The following F5 variants were observed in gnomAD, a reference collection of about 807,000 sequenced individuals.
F5 encodes the protein coagulation factor V.
In F5, 138 loss-of-function variants were observed where a neutral mutation model predicts 216.4. The observed-to-expected ratio is 0.64, with a 90% confidence interval of 0.56 to 0.73. F5 has a LOEUF of 0.73. Among genes scored for constraint, F5 ranks in the 30% least tolerant of loss-of-function variants. The probability of loss-of-function intolerance (pLI) is 0.00; values close to 1 mark genes in which losing one functional copy is unlikely to be tolerated. For missense variants in F5, 2,403 were observed against 2,674.0 expected (o/e 0.90, Z 2.24); for synonymous variants, 916 against 930.7 (o/e 0.98, Z 0.29).
chr1:169,570,370 C>T (rs536651547), intron 3 of F5, among the ~76,000 whole-genome samples: 1 of 152,220 alleles, frequency 6.6e-6, no homozygotes, highest in South Asian at 2.1e-4. Context: ...TGAGGTTTCT[C>T]CCCCTTCTTC....
At chr1:169,553,429 C>G (rs1207469644) in intron 7 of F5, among the ~76,000 whole-genome samples, 1 of 152,218 alleles carries the variant, frequency 6.6e-6, no homozygotes, top group African/African-American at 2.4e-5. Flanking sequence ...CACAATGAGG[C>G]CGGGCGCGGT....
At chr1:169,531,987 AAATT>A (rs1659604293) in intron 14 of F5, among the ~76,000 whole-genome samples, 1 of 152,230 alleles carries the variant, frequency 6.6e-6, no homozygotes, top group Non-Finnish European at 1.5e-5. Flanking sequence ...AGCAAATTAA[AAATT>A]AATTCATCAC....
At chr1:169,555,944 A>G (rs1399500199) in intron 6 of F5, among the ~76,000 whole-genome samples, 1 of 152,168 alleles carries the variant, frequency 6.6e-6, no homozygotes, top group South Asian at 2.1e-4. Context: ...CTTATACATT[A>G]TTTTGGTAAC....
At chr1:169,552,468 C>A in intron 8 of F5, 89 bp downstream of exon 8, 1 of 1,124,876 alleles carries the variant, frequency 8.9e-7, no homozygotes, top group Non-Finnish European at 1.3e-6. Flanking sequence ...ATATGAGCAT[C>A]TTTTTCTTTT....
intron 14 of F5, among the ~76,000 whole-genome samples, chr1:169,534,698 A>T (rs1445538750): frequency 6.6e-6 from 1 of 152,042 alleles, no homozygotes. Context: ...AAGACAGAAA[A>T]TACATTGTTC....
rs746444205 is a variant in F5, at chr1:169,546,555, A to G, written c.1649T>C (p.Val550Ala). The change falls in exon 11 of 25, where the codon GTG (valine) becomes GCG (alanine). Residue 550 changes from valine (V) to alanine (A), a missense_variant. Val to Ala is a moderately conservative substitution (Grantham distance 64). This residue lies in a region of F5 where 1,425 missense variants were observed against 1,554.8 expected (regional missense o/e 0.92). Coordinates refer to ENST00000367797, the MANE Select transcript of F5 (RefSeq NM_000130.5). ...ADIEQQAVFA[V>A]FDENKSWYLE... The stretch of plus-strand genomic sequence containing the variant: ...GTACCAGCTTTTGTTCTCATCAAAC[A>G]CAGCAAACACAGCCTGCTGTTCGAT... The G allele has an allele frequency of 5.0e-6, 8 of 1,614,058 alleles. No homozygotes were observed. The highest frequency in any genetic ancestry group is 6.8e-6 in the Non-Finnish European group (8 of 1,180,016).
chr1:169,544,111 A>C (rs1470316864), intron 12 of F5, among the ~76,000 whole-genome samples, 185 bp downstream of exon 12: 1 of 152,230 alleles, frequency 6.6e-6, no homozygotes, highest in Non-Finnish European at 1.5e-5. Context: ...CCCACACTAA[A>C]GAACTGGATC....
chr1:169,569,985 A>T (rs559683152), intron 3 of F5, among the ~76,000 whole-genome samples: 2 of 152,248 alleles, frequency 1.3e-5, no homozygotes, highest in East Asian at 3.9e-4. Flanking sequence ...TGCAGAGGGC[A>T]TAATAAAATC....
Position 169,512,387 on chromosome 1 carries a change from C to T in F5, c.*1926G>A, listed in dbSNP as rs1484772166. On this transcript the variant is annotated 3_prime_UTR_variant, in exon 25 of 25. Coordinates refer to ENST00000367797, the MANE Select transcript of F5 (RefSeq NM_000130.5). Reference sequence around the variant, plus strand: ...AATTCTAGATCAAGAGAGATCCTGCCCAATTTCAGAGTAGAGAAGCCCAGG... The same window carrying T: ...AATTCTAGATCAAGAGAGATCCTGCTCAATTTCAGAGTAGAGAAGCCCAGG... Among the ~76,000 whole-genome samples the T allele has an allele frequency of 6.6e-6, 1 of 151,970 alleles. No homozygotes were observed. The highest frequency in any genetic ancestry group is 2.4e-5 in the African/African-American group (1 of 41,392).
At position 169,541,784 on chromosome 1, in the gene F5, C is replaced by A; in HGVS notation, c.3306G>T (p.Gln1102His). The A allele has an allele frequency of 6.2e-7, 1 of 1,614,002 alleles. No homozygotes were observed. The highest frequency in any genetic ancestry group is 8.5e-7 in the Non-Finnish European group (1 of 1,179,976). The change falls in exon 13 of 25, where the codon CAG (glutamine) becomes CAT (histidine). Residue 1102 changes from glutamine to histidine, a missense_variant. Gln to His is a conservative substitution (Grantham distance 24). Around this residue, in one of 4 missense-constraint regions of F5, gnomAD observed 1,425 missense variants for 1,554.8 expected, o/e 0.92. Transcript: ENST00000367797. ...CCTGACCAGTGTCATTTGAGGAATT[C>A]TGATTATGGTCAGGAAGTGAGGCTA... is the stretch of plus-strand genomic sequence containing the variant. ...GWIASLPDHN[Q>H]NSSNDTGQAS...
At chr1:169,518,885 C>A (rs538561236) in intron 22 of F5, among the ~76,000 whole-genome samples, 1 of 152,296 alleles carries the variant, frequency 6.6e-6, no homozygotes, top group Non-Finnish European at 1.5e-5. Context: ...AAACTCACTT[C>A]CTCCTTCTGA....
intron 23 of F5, among the ~76,000 whole-genome samples, chr1:169,516,254 G>A (rs1659152369): frequency 6.6e-6 from 1 of 152,162 alleles, no homozygotes; most frequent in African/African-American, 2.4e-5. Context: ...ACACAGTACA[G>A]TTATTGTCCT....
chr1:169,567,289 C>T (rs1246013776), intron 3 of F5, among the ~76,000 whole-genome samples: 3 of 151,786 alleles, frequency 2.0e-5, no homozygotes, highest in African/African-American at 2.4e-5. Context: ...TGCTAGATGA[C>T]GAGTTAGTGG....
intron 24 of F5, among the ~76,000 whole-genome samples, chr1:169,514,681 A>T (rs1251674455): frequency 2.0e-5 from 3 of 151,936 alleles, no homozygotes; most frequent in Non-Finnish European, 4.4e-5. Context: ...AACCCAGAAA[A>T]TTTTTTATCC....
chr1:169,549,376 A>G (rs920318995), intron 10 of F5, among the ~76,000 whole-genome samples: 2 of 152,172 alleles, frequency 1.3e-5, no homozygotes, highest in African/African-American at 4.8e-5. Context: ...TCCCTATTGC[A>G]GGTCTCTAAA....
intron 7 of F5, among the ~76,000 whole-genome samples, chr1:169,554,324 C>G (rs1313416432): frequency 6.6e-6 from 1 of 152,196 alleles, no homozygotes; most frequent in Non-Finnish European, 1.5e-5. Flanking sequence ...TACATCCCAG[C>G]TTTTTAATTT....
At position 169,540,915 on chromosome 1, in the gene F5, G is replaced by A. The variant is rs1557914628; in HGVS notation, c.4175C>T (p.Pro1392Leu). The A allele has an allele frequency of 2.5e-6, 4 of 1,611,794 alleles. No individual in the cohort carries two copies. The highest frequency in any genetic ancestry group is 2.2e-5 in the East Asian group (1 of 44,568). The change falls in exon 13 of 25, where the codon CCC (proline) becomes CTC (leucine). Residue 1392 changes from proline (P) to leucine (L), a missense_variant. By Grantham distance (98) the Pro-to-Leu change is moderately conservative. Coordinates refer to ENST00000367797, the MANE Select transcript of F5 (RefSeq NM_000130.5). ...AATTTGACTGAGATCTGCAAAGAGG[G>A]GCATCTCACTGAGGTCTGGGGAAAG... ...TNLSPDLSEMPLFADLSQIPL... is the reference protein window; with the variant it reads ...TNLSPDLSEMLLFADLSQIPL...
intron 4 of F5, 26 bp downstream of exon 4, chr1:169,560,528 G>T: frequency 1.2e-6 from 2 of 1,608,318 alleles, no homozygotes; most frequent in South Asian, 2.2e-5. Flanking sequence ...TTTAGTTGTT[G>T]AATCTTTTGG....
Position 169,541,889 on chromosome 1 carries a change from C to T in F5, c.3201G>A (p.Ser1067=), listed in dbSNP as rs531459391. ...TTTCATTGGATTTATGAAGCACCAA[C>T]GAATGCTTAAGTCTTCTTTCTGAAA... ...NTFSERRLKH[S]LVLHKSNETS... is the part of the protein sequence containing the mutation. The change falls in exon 13 of 25, where the codon TCG becomes TCA. Residue 1067 remains serine, a synonymous_variant. Coordinates refer to ENST00000367797, the MANE Select transcript of F5 (RefSeq NM_000130.5). The T allele has an allele frequency of 1.2e-4, 190 of 1,613,982 alleles. No individual in the cohort carries two copies. Among genetic ancestry groups the T allele is most frequent in the Non-Finnish European group, 1.4e-4 (168 of 1,179,992 alleles).
Sources: gnomAD v4.1 joint callset for allele counts (sites outside exome capture counted in the v4.1 genomes callset) on GRCh38, gnomAD v4.1.1 for gene constraint, gnomAD v4.1.1 regional missense constraint, MANE v1.5 for transcripts, NCBI Gene and HGNC (gene_info 2026-07-23, HGNC 2026-07-21) for gene names.